Variants in ACACB observed in about 807,000 individuals in gnomAD.
ACACB encodes acetyl-CoA carboxylase 2.
A neutral mutation model predicts 278.8 loss-of-function variants in ACACB; 209 were observed. That is an observed-to-expected ratio of 0.75 (90% CI 0.67 to 0.84). The LOEUF (loss-of-function observed/expected upper bound fraction) is 0.84. Ranked by LOEUF, ACACB falls within the 40% of genes least tolerant of loss-of-function variation. ACACB has a pLI of 0.00. For synonymous variants in ACACB, 1,174 were observed against 1,285.6 expected (o/e 0.91, Z 1.86); for missense variants, 2,850 against 3,269.0 (o/e 0.87, Z 3.13).
At chr12:109,129,393 C>T (rs1593364994) in intron 1 of ACACB, among the ~76,000 whole-genome samples, 1 of 152,212 alleles carries the variant, frequency 6.6e-6, no homozygotes, top group Non-Finnish European at 1.5e-5. Context: ...TGTCATAGGC[C>T]ACACACATGC....
chr12:109,211,046 G>A (rs2045831668), intron 21 of ACACB, among the ~76,000 whole-genome samples: 1 of 152,046 alleles, frequency 6.6e-6, no homozygotes, highest in South Asian at 2.1e-4. Flanking sequence ...GTGGTTGTTG[G>A]TTTTGTGGGG....
intron 6 of ACACB, among the ~76,000 whole-genome samples, chr12:109,172,959 C>T (rs1406391600): frequency 6.6e-6 from 1 of 152,168 alleles, no homozygotes; most frequent in African/African-American, 2.4e-5. Context: ...AAATGTGGTA[C>T]ATATACACCA....
chr12:109,197,223 A>G, intron 17 of ACACB, 70 bp downstream of exon 17: 1 of 1,541,000 alleles, frequency 6.5e-7, no homozygotes, highest in South Asian at 1.3e-5. Context: ...TGGAAAACAC[A>G]GCACTGGCCT....
chr12:109,241,149 T>C lies in ACACB; in HGVS notation c.4890T>C (p.Ala1630=). 2 of 1,614,198 alleles carry C rather than the reference T, an allele frequency of 1.2e-6. No homozygotes were observed. Among genetic ancestry groups the C allele is most frequent in the South Asian group, 1.1e-5 (1 of 91,080 alleles). The change falls in exon 36 of 53, where the codon GCT becomes GCC. Residue 1630 remains alanine (A), a synonymous_variant. Coordinates refer to ENST00000338432, the MANE Select transcript of ACACB (RefSeq NM_001093.4). Reference sequence around the variant, plus strand: ...TGTGGAAACTCCGTGTGCTACAGGCTGAGGTCAAGATCAACATCCGCCAGA... The same window carrying C: ...TGTGGAAACTCCGTGTGCTACAGGCCGAGGTCAAGATCAACATCCGCCAGA... ...SRLWKLRVLQ[A]EVKINIRQTT... is the part of the protein sequence containing the mutation.
At chr12:109,172,940 G>A (rs1451596133) in intron 6 of ACACB, among the ~76,000 whole-genome samples, 2 of 152,174 alleles carry the variant, frequency 1.3e-5, no homozygotes, top group Admixed American at 6.5e-5. Flanking sequence ...ATAACAGATT[G>A]GATAAAGAAA....
chr12:109,231,036 G>C (rs2046452830), intron 28 of ACACB, among the ~76,000 whole-genome samples: 1 of 152,178 alleles, frequency 6.6e-6, no homozygotes, highest in Admixed American at 6.5e-5. Context: ...GGGCCATGAG[G>C]AATAAAGTCT....
At chr12:109,255,184 A>C (rs1339655514) in intron 44 of ACACB, among the ~76,000 whole-genome samples, 1 of 152,156 alleles carries the variant, frequency 6.6e-6, no homozygotes, top group Non-Finnish European at 1.5e-5. Context: ...TCTCTCTCTG[A>C]AAGGGATGAG....
chr12:109,234,335 A>AT (rs773261711), intron 31 of ACACB, among the ~76,000 whole-genome samples: 3 of 152,014 alleles, frequency 2.0e-5, no homozygotes, highest in Admixed American at 1.3e-4. Flanking sequence ...TAGTTTGGAG[A>AT]TTTTCTGGGA....
chr12:109,182,981 T>G (rs1327377378), intron 11 of ACACB, among the ~76,000 whole-genome samples: 1 of 152,222 alleles, frequency 6.6e-6, no homozygotes, highest in Non-Finnish European at 1.5e-5. Context: ...AATTTGATTC[T>G]TCATTTATGA....
chr12:109,192,891 C>T (rs1008536438), intron 15 of ACACB, among the ~76,000 whole-genome samples: 1 of 152,178 alleles, frequency 6.6e-6, no homozygotes. Flanking sequence ...GTCTCAAACT[C>T]ATGGCCTCAA....
At position 109,240,023 on chromosome 12, in the gene ACACB, G is replaced by A. The variant is rs200664440; in HGVS notation, c.4818+38G>A. 1.3e-3 allele frequency: 2,136 copies of A among 1,602,030 alleles called. 2 individuals are homozygous for A. Among genetic ancestry groups the A allele is most frequent in the Non-Finnish European group, 1.7e-3 (2,026 of 1,173,298 alleles). ...CAGGGGGGCTCTCACCGGGCTCTGG[G>A]TTCACCCTCTGAGCCATGCTGCTTT... On this transcript the variant is annotated intron_variant, in intron 35 of 52. Transcript: ENST00000338432.
rs138031680 is a variant in ACACB, at chr12:109,222,724, C to T, written c.3679-75C>T. ...ACCATGCACAGTCCCACCGTGCTGC[C>T]GGCCCGTGCCCGAGCCTCTGCCTTC... On this transcript the variant is annotated intron_variant, in intron 25 of 52. Coordinates refer to ENST00000338432, the MANE Select transcript of ACACB (RefSeq NM_001093.4). The T allele has an allele frequency of 1.6e-3, 2,444 of 1,525,094 alleles. 28 individuals carry two copies. In the African/African-American group the frequency reaches 0.03, roughly 19 times the overall value. The allele number at this position is 1,525,094 out of a possible 1,614,324, so 94.5% of individuals were successfully genotyped here.
At chr12:109,217,699 C>T (rs1805644832) in intron 24 of ACACB, among the ~76,000 whole-genome samples, 1 of 150,986 alleles carries the variant, frequency 6.6e-6, no homozygotes, top group Non-Finnish European at 1.5e-5. Context: ...ACTCAGGGGG[C>T]TGAGGCAGGA....
intron 1 of ACACB, among the ~76,000 whole-genome samples, chr12:109,122,572 C>CA (rs59516728): frequency 0.22 from 13,674 of 61,576 alleles, 1,957 homozygotes; most frequent in Non-Finnish European, 0.24. Flanking sequence ...GACATTGTCT[C>CA]AAAAAAAAAA....
At position 109,215,899 on chromosome 12, in the gene ACACB, C is replaced by T. The variant is rs537960983; in HGVS notation, c.3351-719C>T. On this transcript the variant is annotated intron_variant, in intron 22 of 52. Transcript: ENST00000338432. ...ACAGCCTTGACCTCCTGGGCTCAAG[C>T]GATCCTATCACCTCAGCCTCCTATG... 1.3e-4 allele frequency among the ~76,000 whole-genome samples: 19 copies of T among 151,952 alleles called. No homozygotes were observed. The South Asian group carries it at 2.1e-3, about 17-fold the overall frequency.
chr12:109,187,354 C>A (rs1308859898), intron 12 of ACACB, among the ~76,000 whole-genome samples: 1 of 152,140 alleles, frequency 6.6e-6, no homozygotes, highest in Non-Finnish European at 1.5e-5. Context: ...GTCAGAATGT[C>A]CCTTCACTCA....
At position 109,206,686 on chromosome 12, in the gene ACACB, G is replaced by T. The variant is rs543988902; in HGVS notation, c.2914-24G>T. ...GGAATTCCCAGAGTTTTCCTGACCT[G>T]TCGTTCTTGTGGTGTCTCATCAGGC... On this transcript the variant is annotated intron_variant, in intron 19 of 52. Coordinates refer to ENST00000338432, the MANE Select transcript of ACACB (RefSeq NM_001093.4). 6 of 1,612,554 alleles carry T rather than the reference G, an allele frequency of 3.7e-6. No homozygotes were observed. The African/African-American group carries it at 6.7e-5, about 18-fold the overall frequency.
rs114757489 is a variant in ACACB, at chr12:109,146,329, G to A, written c.653+6271G>A. Among the ~76,000 whole-genome samples the A allele has an allele frequency of 6.7e-3, 1,021 of 152,332 alleles. 12 individuals carry two copies. The highest frequency in any genetic ancestry group is 0.023 in the African/African-American group (956 of 41,582). On this transcript the variant is annotated intron_variant, in intron 2 of 52. Transcript: ENST00000338432. ...GTCACTTCACTGCTGCTCTGCCCTG[G>A]AAGGCCACTTCCTACATTCACCTCT...
intron 1 of ACACB, among the ~76,000 whole-genome samples, chr12:109,121,657 T>G (rs1411918993): frequency 6.6e-6 from 1 of 152,164 alleles, no homozygotes; most frequent in East Asian, 1.9e-4. Context: ...GGGCCTCACC[T>G]GGACACTCCC....
Sources: gnomAD v4.1 joint callset for allele counts (sites outside exome capture counted in the v4.1 genomes callset) on GRCh38, gnomAD v4.1.1 for gene constraint, MANE v1.5 for transcripts, NCBI Gene and HGNC (gene_info 2026-07-23, HGNC 2026-07-21) for gene names.